TRIM33: variants seen among roughly 807,000 people sequenced by gnomAD.
TRIM33 encodes the protein E3 ubiquitin-protein ligase TRIM33.
TRIM33 carries 20 observed loss-of-function variants against 125.4 expected under a neutral mutation model. The observed-to-expected ratio is 0.16, with a 90% CI of 0.11 to 0.23. The LOEUF (loss-of-function observed/expected upper bound fraction) is 0.23. TRIM33 is among the 10% of genes least tolerant of loss of function. TRIM33 has a pLI of 1.00. For missense variants in TRIM33, 920 were observed against 1,411.4 expected, an observed-to-expected ratio of 0.65 and a Z score of 5.58; for synonymous variants, 564 against 513.9, an observed-to-expected ratio of 1.10 and a Z score of -1.32.
chr1:114,399,554 T>C lies in TRIM33; in HGVS notation c.3023A>G (p.Lys1008Arg). ...TTGGGAATGTTTTTTCTGAAGCTTCTTTTTCACGGTGGATAAATCCATTGG... is the reference window on the plus strand; with the variant it reads ...TTGGGAATGTTTTTTCTGAAGCTTCCTTTTCACGGTGGATAAATCCATTGG... The part of the protein sequence containing the change: ...KKPMDLSTVK[K>R]KLQKKHSQHY... Residue 1008 changes from lysine to arginine, a missense_variant, in exon 18 of 20, where the codon AAG becomes AGG. Around this residue, in one of 8 missense-constraint regions of TRIM33, gnomAD observed 122 missense variants for 236.8 expected, o/e 0.52. Coordinates refer to ENST00000358465, the MANE Select transcript of TRIM33 (RefSeq NM_015906.4). 1 of 1,611,366 alleles carries C rather than the reference T, an allele frequency of 6.2e-7. No homozygotes were observed.
rs1302247813 is a variant in TRIM33, at chr1:114,396,782, G to A, written c.*866C>T. The A allele has an allele frequency of 4.8e-6, 1 of 208,556 alleles. No homozygotes were observed. Among genetic ancestry groups the A allele is most frequent in the Admixed American group, 5.9e-5 (1 of 16,908 alleles). The allele number at this position is 208,556 out of a possible 1,614,324, so 12.9% of individuals were successfully genotyped here. A position where few individuals can be genotyped will look rare whatever the true frequency, so the allele number is the denominator to read the frequency against. ...TGACATGAAGGAAGACTGGAAAAGA[G>A]CCAGTTGTCACCTTCTCAAATTTAA... On this transcript the variant is annotated 3_prime_UTR_variant, in exon 20 of 20. Transcript: ENST00000358465.
In TRIM33 at chr1:114,404,468, C is replaced by T. The variant is rs1572010877; in HGVS notation, c.2768+942G>A. ...GCTAATTTACGCCAACATTTTACAA[C>T]CCTTTCAAAGCATTTGCTATTGAAA... On this transcript the variant is annotated intron_variant, in intron 15 of 19. Transcript: ENST00000358465. 2.0e-5 allele frequency: 3 copies of T among 152,150 alleles called. No homozygotes were observed. The South Asian group carries it at 6.2e-4, about 32-fold the overall frequency. The allele number at this position is 152,150 out of a possible 1,614,324, so 9.4% of individuals were successfully genotyped here.
At chr1:114,510,459 G>A in intron 1 of TRIM33, 92 bp downstream of exon 1, 1 of 1,250,474 alleles carries the variant, frequency 8.0e-7, no homozygotes, top group Non-Finnish European at 1.0e-6. Flanking sequence ...GCCCGTCCGA[G>A]CAGCCCCAGG....
intron 5 of TRIM33, 31 bp downstream of exon 5, chr1:114,433,586 T>G: frequency 7.4e-7 from 1 of 1,348,158 alleles, no homozygotes; most frequent in Non-Finnish European, 1.0e-6. Context: ...TAGTAATTCT[T>G]AAAATTATGG....
At chr1:114,407,237 T>G (rs994820548) in intron 13 of TRIM33, 137 bp from the exon 14 acceptor site, 16 of 727,102 alleles carry the variant, frequency 2.2e-5, no homozygotes, top group African/African-American at 5.3e-5. Context: ...TACCTCATAA[T>G]GTAGTTAAGG....
At chr1:114,439,512 TCCTA>T (rs72310994) in intron 4 of TRIM33, among the ~76,000 whole-genome samples, 3,735 of 134,140 alleles carry the variant, frequency 0.028, 126 homozygotes, top group African/African-American at 0.075. Context: ...TCTCTGTTAA[TCCTA>T]CCCAAAATGA....
intron 17 of TRIM33, among the ~76,000 whole-genome samples, chr1:114,400,241 GC>G (rs1651790214): frequency 6.6e-6 from 1 of 152,134 alleles, no homozygotes; most frequent in African/African-American, 2.4e-5. Flanking sequence ...TTGCTCTGTC[GC>G]CCAGGCTGGA....
At chr1:114,405,073 A>G (rs1170713875) in intron 15 of TRIM33, 2 of 176,812 alleles carry the variant, frequency 1.1e-5, no homozygotes, top group Non-Finnish European at 2.4e-5. Flanking sequence ...GATCCCTGAT[A>G]ATTAGTGAAT....
chr1:114,421,746 G>A, intron 10 of TRIM33, 110 bp from the exon 11 acceptor site: 1 of 1,049,202 alleles, frequency 9.5e-7, no homozygotes, highest in Non-Finnish European at 1.4e-6. Context: ...CAAAGAAGTG[G>A]GCCCTTTCAA....
intron 1 of TRIM33, among the ~76,000 whole-genome samples, chr1:114,465,768 G>A (rs1244976100): frequency 2.0e-5 from 3 of 152,144 alleles, no homozygotes; most frequent in Non-Finnish European, 2.9e-5. Context: ...AGAGCCGGGC[G>A]CGGTGGCTCA....
intron 4 of TRIM33, among the ~76,000 whole-genome samples, chr1:114,434,100 A>C (rs891147564): frequency 6.6e-6 from 1 of 152,236 alleles, no homozygotes; most frequent in Admixed American, 6.5e-5. Flanking sequence ...GAAATCACCC[A>C]TAGTTCCAAC....
intron 1 of TRIM33, among the ~76,000 whole-genome samples, chr1:114,494,974 C>T (rs1652282884): frequency 6.6e-6 from 1 of 152,138 alleles, no homozygotes; most frequent in African/African-American, 2.4e-5. Context: ...AGTGCAATGG[C>T]ACCATCTCGG....
chr1:114,415,505 T>C (rs1404630668), intron 11 of TRIM33, among the ~76,000 whole-genome samples: 6 of 152,186 alleles, frequency 3.9e-5, no homozygotes, highest in Non-Finnish European at 8.8e-5. Context: ...ACTTGCCTAC[T>C]TATCTTTCAA....
chr1:114,428,845 A>G (rs1426536388), intron 6 of TRIM33, among the ~76,000 whole-genome samples: 7 of 151,520 alleles, frequency 4.6e-5, no homozygotes, highest in Admixed American at 3.3e-4. Context: ...ATTTGTATAC[A>G]CTTTAGCCTT....
chr1:114,400,108 T>C (rs12061718), intron 17 of TRIM33, among the ~76,000 whole-genome samples: 5,241 of 152,254 alleles, frequency 0.034, 278 homozygotes, highest in African/African-American at 0.12. Flanking sequence ...ATTAACCATT[T>C]AGTGTTCACG....
At chr1:114,410,111 A>C in intron 12 of TRIM33, 73 bp downstream of exon 12, 1 of 1,551,116 alleles carries the variant, frequency 6.4e-7, no homozygotes, top group Non-Finnish European at 8.8e-7. Context: ...TTTCTGGAGA[A>C]TTCTGACTAA....
At chr1:114,508,319 A>G (rs1653126797) in intron 1 of TRIM33, among the ~76,000 whole-genome samples, 1 of 152,094 alleles carries the variant, frequency 6.6e-6, no homozygotes, top group African/African-American at 2.4e-5. Flanking sequence ...CAGAGAGCCA[A>G]TTTCATAACC....
chr1:114,426,872 A>T (rs895115832), intron 8 of TRIM33, among the ~76,000 whole-genome samples: 5 of 152,212 alleles, frequency 3.3e-5, no homozygotes, highest in Admixed American at 6.5e-5. Flanking sequence ...CCAGACAATG[A>T]ATCATTTGCT....
rs1249515143 is a variant in TRIM33 at position 114,511,128 on chromosome 1, C to G, written c.-52G>C. 3 of 1,082,890 alleles carry G rather than the reference C, an allele frequency of 2.8e-6. No individual in the cohort carries two copies. 67.1% of individuals were successfully genotyped at this position (1,082,890 alleles called of 1,614,324 possible). A position where few individuals can be genotyped will look rare whatever the true frequency, so the allele number is the denominator to read the frequency against. On this transcript the variant is annotated 5_prime_UTR_variant, in exon 1 of 20. Coordinates refer to ENST00000358465, the MANE Select transcript of TRIM33 (RefSeq NM_015906.4). Reference sequence around the variant, plus strand: ...GCCCCGCGCCGCCCGCCGCCCGCGTCGCCGCCGCCGCCGCCCCCAGCCCCA... The same window carrying G: ...GCCCCGCGCCGCCCGCCGCCCGCGTGGCCGCCGCCGCCGCCCCCAGCCCCA...
Sources: gnomAD v4.1 joint callset for allele counts (sites outside exome capture counted in the v4.1 genomes callset) on GRCh38, gnomAD v4.1.1 for gene constraint, gnomAD v4.1.1 regional missense constraint, MANE v1.5 for transcripts, NCBI Gene and HGNC (gene_info 2026-07-23, HGNC 2026-07-21) for gene names.